Variants in PLPP3 observed in about 807,000 individuals in gnomAD.
PLPP3 encodes phospholipid phosphatase 3, also known as PAP2 beta.
In PLPP3, 6 loss-of-function variants were observed where a neutral mutation model predicts 29.6. That is an observed-to-expected ratio of 0.20 (90% confidence interval 0.11 to 0.40). The LOEUF (loss-of-function observed/expected upper bound fraction) is 0.40, where lower values mean the gene tolerates loss of function less well. Ranked by LOEUF, PLPP3 falls within the 10% of genes least tolerant of loss-of-function variation. PLPP3 has a pLI of 1.00. For missense variants in PLPP3, 308 were observed against 407.7 expected, an observed-to-expected ratio of 0.76 and a Z score of 2.11; for synonymous variants, 152 against 159.7, an observed-to-expected ratio of 0.95 and a Z score of 0.36.
intron 1 of PLPP3, among the ~76,000 whole-genome samples, chr1:56,576,929 ATC>A (rs1646240770): frequency 6.6e-6 from 1 of 152,132 alleles, no homozygotes; most frequent in Non-Finnish European, 1.5e-5. Context: ...ATTCCTTTAC[ATC>A]TCTTTCCTTT....
At chr1:56,575,244 G>A (rs112777872) in intron 1 of PLPP3, among the ~76,000 whole-genome samples, 38 of 152,296 alleles carry the variant, frequency 2.5e-4, no homozygotes, top group African/African-American at 8.4e-4. Flanking sequence ...AATGCAACTC[G>A]ATAGTGGCAC....
rs773908318 is a variant in PLPP3, at chr1:56,511,931, C to T, written c.810+45G>A. On this transcript the variant is annotated intron_variant, in intron 5 of 5. Coordinates refer to ENST00000371250, the MANE Select transcript of PLPP3 (RefSeq NM_003713.5). ...TGAGCTGGAAACATTTAACAAGCAA[C>T]AGTCCAGGGCTCCACTTGCATATTG... 20 of 1,602,288 alleles carry T rather than the reference C, an allele frequency of 1.2e-5. No homozygotes were observed. In the East Asian group the frequency reaches 3.1e-4, roughly 25 times the overall value.
intron 1 of PLPP3, among the ~76,000 whole-genome samples, chr1:56,557,020 G>GAGACAA (rs1557513593): frequency 2.0e-4 from 1 of 5,072 alleles, no homozygotes; most frequent in South Asian, 3.1e-3. Context: ...GAGAGAGAGA[G>GAGACAA]AGAGAAAGAG....
At chr1:56,573,703 A>G (rs1646215835) in intron 1 of PLPP3, among the ~76,000 whole-genome samples, 2 of 152,190 alleles carry the variant, frequency 1.3e-5, no homozygotes, top group South Asian at 4.1e-4. Context: ...AAAACAAAGT[A>G]TTACTCCTCA....
At chr1:56,502,169 G>A (rs1013754876) in intron 5 of PLPP3, among the ~76,000 whole-genome samples, 2 of 152,074 alleles carry the variant, frequency 1.3e-5, no homozygotes, top group Non-Finnish European at 2.9e-5. Flanking sequence ...AATTTTGAGG[G>A]TCATTTTGTT....
chr1:56,575,465 G>T (rs1057441564), intron 1 of PLPP3, among the ~76,000 whole-genome samples: 1 of 152,130 alleles, frequency 6.6e-6, no homozygotes, highest in Non-Finnish European at 1.5e-5. Context: ...TAAATAGCAC[G>T]GTTGCTGACC....
chr1:56,557,010 G>GAAAGAA (rs1235067963), intron 1 of PLPP3, among the ~76,000 whole-genome samples: 142 of 10,736 alleles, frequency 0.013, 1 homozygote, highest in Middle Eastern at 0.033. Flanking sequence ...AAGAAAGAAA[G>GAAAGAA]AGAGAGAGAG....
intron 1 of PLPP3, among the ~76,000 whole-genome samples, chr1:56,539,343 CAAT>C (rs1645952463): frequency 6.6e-6 from 1 of 152,158 alleles, no homozygotes. Context: ...CACAATTTTT[CAAT>C]TACTTTGGTC....
intron 1 of PLPP3, among the ~76,000 whole-genome samples, chr1:56,550,733 C>T (rs1327709279): frequency 6.6e-6 from 1 of 152,124 alleles, no homozygotes. Context: ...CCACCCACCC[C>T]CACACATACA....
chr1:56,497,306 G>A (rs1645636925), intron 5 of PLPP3, among the ~76,000 whole-genome samples: 1 of 152,192 alleles, frequency 6.6e-6, no homozygotes. Context: ...TCCTGGGGAT[G>A]TGACCTCACT....
intron 5 of PLPP3, among the ~76,000 whole-genome samples, chr1:56,499,820 G>A (rs1042822634): frequency 2.0e-5 from 3 of 152,142 alleles, no homozygotes; most frequent in Non-Finnish European, 4.4e-5. Flanking sequence ...AAGCTTCTTG[G>A]CTTGAAGCAG....
In PLPP3 at chr1:56,551,279, G is replaced by GTTTGGTTT. The variant is rs140430491; in HGVS notation, c.140-14168_140-14167insAAACCAAA. ...AATCAAAAATGGCTTTCTGGGTTTG[G>GTTTGGTTT]GGTTTGGTTTGGTTCGGTTCGGTTC... is the stretch of plus-strand genomic sequence containing the variant. On this transcript the variant is annotated intron_variant, in intron 1 of 5. Coordinates refer to ENST00000371250, the MANE Select transcript of PLPP3 (RefSeq NM_003713.5). 3.5e-4 allele frequency among the ~76,000 whole-genome samples: 47 copies of GTTTGGTTT among 135,910 alleles called. 3 individuals are homozygous for GTTTGGTTT. The highest frequency in any genetic ancestry group is 5.6e-4 in the Non-Finnish European group (34 of 61,228). The allele number at this position is 135,910 out of a possible 152,430, so 89.2% of individuals were successfully genotyped here.
chr1:56,496,862 C>T (rs562398252), intron 5 of PLPP3, among the ~76,000 whole-genome samples, 186 bp from the exon 6 acceptor site: 4 of 152,188 alleles, frequency 2.6e-5, no homozygotes, highest in African/African-American at 7.2e-5. Flanking sequence ...AACTGAGACC[C>T]GGGAAAAGGC....
At chr1:56,567,459 G>A (rs113498061) in intron 1 of PLPP3, among the ~76,000 whole-genome samples, 2,165 of 136,532 alleles carry the variant, frequency 0.016, 47 homozygotes, top group African/African-American at 0.049. Flanking sequence ...GTGCAGTGGC[G>A]CGATCTCGGC....
At chr1:56,578,321 A>C (rs1468238387) in intron 1 of PLPP3, among the ~76,000 whole-genome samples, 1 of 152,194 alleles carries the variant, frequency 6.6e-6, no homozygotes, top group Non-Finnish European at 1.5e-5. Flanking sequence ...CGTGCCCAGC[A>C]CCAAGCCCGG....
At chr1:56,537,481 A>G (rs1465057761) in intron 1 of PLPP3, among the ~76,000 whole-genome samples, 2 of 152,186 alleles carry the variant, frequency 1.3e-5, no homozygotes, top group Admixed American at 1.3e-4. Context: ...TATGCTTCCA[A>G]GGGCATTCAT....
chr1:56,513,000 A>G (rs972561533), intron 4 of PLPP3: 2 of 152,218 alleles, frequency 1.3e-5, no homozygotes, highest in East Asian at 1.9e-4. Flanking sequence ...TATATCCCCA[A>G]TGAGATGCTT....
chr1:56,513,840 TA>T (rs1645762838), intron 4 of PLPP3: 1 of 151,954 alleles, frequency 6.6e-6, no homozygotes, highest in Non-Finnish European at 1.5e-5. Flanking sequence ...GAAGATAGCA[TA>T]GAGCCTTTAT....
intron 4 of PLPP3, among the ~76,000 whole-genome samples, chr1:56,519,194 G>C (rs1455471933): frequency 6.6e-6 from 1 of 152,080 alleles, no homozygotes; most frequent in Admixed American, 6.6e-5. Flanking sequence ...AAGCTGTACT[G>C]AACTGAATAC....
Sources: gnomAD v4.1 joint callset for allele counts (sites outside exome capture counted in the v4.1 genomes callset) on GRCh38, gnomAD v4.1.1 for gene constraint, MANE v1.5 for transcripts, NCBI Gene and HGNC (gene_info 2026-07-23, HGNC 2026-07-21) for gene names.